KALRN: variants seen among roughly 807,000 people sequenced by gnomAD.
KALRN encodes the protein kalirin RhoGEF kinase, also known as kalirin.
KALRN carries 70 observed loss-of-function variants against 353.7 expected under a neutral mutation model. The observed-to-expected ratio is 0.20, with a 90% CI of 0.16 to 0.24. The LOEUF (loss-of-function observed/expected upper bound fraction) is 0.24. Ranked by LOEUF, KALRN falls within the 10% of genes least tolerant of loss-of-function variation. The pLI is 1.00. For missense variants in KALRN, 2,791 were observed against 3,756.7 expected, an observed-to-expected ratio of 0.74 and a Z score of 6.72; for synonymous variants, 1,391 against 1,434.8, an observed-to-expected ratio of 0.97 and a Z score of 0.69.
At chr3:124,288,102 T>C (rs1352975555) in intron 5 of KALRN, among the ~76,000 whole-genome samples, 6 of 152,064 alleles carry the variant, frequency 3.9e-5, no homozygotes, top group Admixed American at 3.3e-4. Context: ...CTCGAGCTCC[T>C]GACCTCAGGT....
rs7642113 is a variant in KALRN at position 124,639,601 on chromosome 3, G to A, written c.5664+2298G>A. Among the ~76,000 whole-genome samples, 288 of 152,252 alleles carry A rather than the reference G, an allele frequency of 1.9e-3. 2 individuals are homozygous for A. Among genetic ancestry groups the A allele is most frequent in the African/African-American group, 6.6e-3 (276 of 41,540 alleles). ...ACCACTAATTTGTGTGATCGATGGT[G>A]TTAAACATGTAAGCAAAGACATAGA... is the stretch of plus-strand genomic sequence containing the variant. On this transcript the variant is annotated intron_variant, in intron 37 of 59. Coordinates refer to ENST00000682506, the MANE Select transcript of KALRN (RefSeq NM_001388419.1).
chr3:124,099,877 A>G (rs892431250), intron 1 of KALRN, among the ~76,000 whole-genome samples: 7 of 152,182 alleles, frequency 4.6e-5, no homozygotes, highest in African/African-American at 7.2e-5. Flanking sequence ...AGAAGAGCCT[A>G]TTCGGGCCAG....
chr3:124,526,033 G>A (rs2067562678), intron 33 of KALRN, among the ~76,000 whole-genome samples: 1 of 152,198 alleles, frequency 6.6e-6, no homozygotes, highest in African/African-American at 2.4e-5. Context: ...TGCTTGTAGG[G>A]CTACACACAT....
chr3:124,340,418 G>A (rs1449573711), intron 9 of KALRN, among the ~76,000 whole-genome samples: 1 of 152,092 alleles, frequency 6.6e-6, no homozygotes, highest in African/African-American at 2.4e-5. Context: ...AGCTATTCAG[G>A]AGGCTAAGGC....
chr3:124,598,179 A>G (rs1380163964), intron 34 of KALRN, among the ~76,000 whole-genome samples: 1 of 152,202 alleles, frequency 6.6e-6, no homozygotes, highest in Non-Finnish European at 1.5e-5. Flanking sequence ...TCTGGGGGAA[A>G]TCAGCTGCTC....
At chr3:124,682,529 T>C (rs545163354) in intron 51 of KALRN, among the ~76,000 whole-genome samples, 4 of 152,332 alleles carry the variant, frequency 2.6e-5, no homozygotes, top group African/African-American at 9.6e-5. Flanking sequence ...CAGCCCTAGC[T>C]GTGCATAGGC....
intron 57 of KALRN, among the ~76,000 whole-genome samples, chr3:124,712,385 A>G (rs557499876): frequency 6.6e-6 from 1 of 152,330 alleles, no homozygotes; most frequent in African/African-American, 2.4e-5. Flanking sequence ...CTCCTTCTTT[A>G]ACATTATTGC....
intron 10 of KALRN, among the ~76,000 whole-genome samples, chr3:124,350,533 T>A (rs2082728568): frequency 6.6e-6 from 1 of 152,180 alleles, no homozygotes; most frequent in Admixed American, 6.5e-5. Flanking sequence ...CCTAATTCCA[T>A]GCTGTCCCTC....
At chr3:124,229,176 C>A (rs1428695602) in intron 2 of KALRN, among the ~76,000 whole-genome samples, 1 of 152,208 alleles carries the variant, frequency 6.6e-6, no homozygotes, top group East Asian at 1.9e-4. Flanking sequence ...GTAGCTATTG[C>A]AGAGACCATT....
rs1004721756 is a variant in KALRN at position 124,305,666 on chromosome 3, T to C, written c.1092+6753T>C. On this transcript the variant is annotated intron_variant, in intron 6 of 59. Transcript: ENST00000682506. Reference sequence around the variant, plus strand: ...TGCTGTACTCCCCCTGGGAGCAACATTGGAGTCTTCTTACTGTGGAGCTGT... The same window carrying C: ...TGCTGTACTCCCCCTGGGAGCAACACTGGAGTCTTCTTACTGTGGAGCTGT... Among the ~76,000 whole-genome samples, 7 of 150,144 alleles carry C rather than the reference T, an allele frequency of 4.7e-5. No individual in the cohort carries two copies. The East Asian group carries it at 7.9e-4, about 17-fold the overall frequency.
At chr3:124,133,729 C>G (rs1175043558) in intron 1 of KALRN, among the ~76,000 whole-genome samples, 1 of 152,224 alleles carries the variant, frequency 6.6e-6, no homozygotes, top group Non-Finnish European at 1.5e-5. Flanking sequence ...GTCCAGAGAT[C>G]TCATCCTGAG....
intron 1 of KALRN, among the ~76,000 whole-genome samples, chr3:124,160,716 C>T (rs941132989): frequency 2.0e-5 from 3 of 152,042 alleles, no homozygotes; most frequent in South Asian, 4.2e-4. Context: ...TCCTTGGTGT[C>T]GGAGGTGGTG....
chr3:124,548,238 T>G (rs2069969250), intron 33 of KALRN, among the ~76,000 whole-genome samples: 1 of 152,206 alleles, frequency 6.6e-6, no homozygotes, highest in South Asian at 2.1e-4. Context: ...AAGTAGAACT[T>G]TCTCTGCTTT....
chr3:124,372,370 A>G (rs766103256), intron 10 of KALRN, among the ~76,000 whole-genome samples: 16 of 152,140 alleles, frequency 1.1e-4, no homozygotes, highest in Non-Finnish European at 1.9e-4. Flanking sequence ...ATAAATTTCC[A>G]TTTAGCACAG....
intron 6 of KALRN, among the ~76,000 whole-genome samples, chr3:124,307,258 A>G (rs1379192855): frequency 6.6e-6 from 1 of 152,118 alleles, no homozygotes; most frequent in East Asian, 1.9e-4. Flanking sequence ...GCAAATTTGT[A>G]GTAGGCTAAG....
chr3:124,326,809 C>A (rs1258801558), intron 7 of KALRN, among the ~76,000 whole-genome samples: 1 of 152,170 alleles, frequency 6.6e-6, no homozygotes, highest in Non-Finnish European at 1.5e-5. Flanking sequence ...ATTTTGAGAA[C>A]TGGTTGTCAC....
intron 10 of KALRN, chr3:124,384,554 T>C: frequency 3.6e-6 from 1 of 274,502 alleles, no homozygotes; most frequent in Admixed American, 5.2e-5. Flanking sequence ...AGGTAGGGGA[T>C]AGGGAGCAGC....
At chr3:124,409,951 G>A (rs747538778) in intron 13 of KALRN, among the ~76,000 whole-genome samples, 3 of 152,108 alleles carry the variant, frequency 2.0e-5, no homozygotes, top group Non-Finnish European at 4.4e-5. Context: ...CGGACCCAGG[G>A]AGGGCAGCCT....
chr3:124,510,980 G>T (rs765134150), intron 33 of KALRN, among the ~76,000 whole-genome samples: 1 of 151,910 alleles, frequency 6.6e-6, no homozygotes, highest in Non-Finnish European at 1.5e-5. Context: ...CCTACTAGGT[G>T]CTAAGTGCTG....
Sources: allele counts gnomAD v4.1 joint callset (sites outside exome capture counted in the v4.1 genomes callset), GRCh38; gene constraint gnomAD v4.1.1; transcripts MANE v1.5; gene names NCBI Gene and HGNC (gene_info 2026-07-23, HGNC 2026-07-21).